The following TMPRSS13 variants were observed in gnomAD, a reference collection of about 807,000 sequenced individuals.
The protein encoded by TMPRSS13 is transmembrane serine protease 13.
Under a neutral mutation model 68.4 loss-of-function variants are expected in TMPRSS13, and 50 were observed. The ratio of observed to expected loss-of-function variants is 0.73; its 90% CI spans 0.58 to 0.93. The LOEUF (loss-of-function observed/expected upper bound fraction) is 0.93. TMPRSS13 is among the 40% of genes least tolerant of loss of function. The probability of loss-of-function intolerance (pLI) is 0.00; values close to 1 mark genes in which losing one functional copy is unlikely to be tolerated. For synonymous variants in TMPRSS13, 267 were observed against 285.8 expected, an observed-to-expected ratio of 0.93 and a Z score of 0.66; for missense variants, 615 against 729.2, an observed-to-expected ratio of 0.84 and a Z score of 1.80.
In TMPRSS13 at chr11:117,901,400, G is replaced by T. The variant is rs908631388; in HGVS notation, c.*839C>A. On this transcript the variant is annotated 3_prime_UTR_variant, in exon 13 of 13. Transcript: ENST00000524993. ...TGACTTGGGGGATGCCCATCCTGGG[G>T]ACTTTGTCCAGTCTCTTCATCCAGT... 6.6e-6 allele frequency: 1 copy of T among 152,588 alleles called. No individual in the cohort carries two copies. Among genetic ancestry groups the T allele is most frequent in the African/African-American group, 2.4e-5 (1 of 41,414 alleles). The allele number at this position is 152,588 out of a possible 1,614,324, so 9.5% of individuals were successfully genotyped here.
chr11:117,912,463 T>G (rs1054448585), intron 5 of TMPRSS13, among the ~76,000 whole-genome samples: 5 of 152,268 alleles, frequency 3.3e-5, no homozygotes, highest in African/African-American at 1.2e-4. Context: ...GCTGAGCAGG[T>G]TCTAAGTCCT....
intron 10 of TMPRSS13, among the ~76,000 whole-genome samples, 166 bp downstream of exon 10, chr11:117,905,472 G>A (rs1241389254): frequency 6.6e-6 from 1 of 152,012 alleles, no homozygotes; most frequent in Non-Finnish European, 1.5e-5. Flanking sequence ...ATATACTCAG[G>A]TGTCTATACA....
At chr11:117,919,802 A>T (rs760086739) in intron 1 of TMPRSS13, among the ~76,000 whole-genome samples, 11 of 152,246 alleles carry the variant, frequency 7.2e-5, no homozygotes, top group Non-Finnish European at 1.2e-4. Context: ...AGAATCACAG[A>T]GTCAGGGTTC....
At chr11:117,903,289 G>T in intron 12 of TMPRSS13, 1 of 1,291,178 alleles carries the variant, frequency 7.7e-7, no homozygotes, top group Non-Finnish European at 1.1e-6. Context: ...GGATTCCCAT[G>T]CATAAATGCT....
intron 12 of TMPRSS13, chr11:117,903,144 G>A: frequency 7.4e-7 from 1 of 1,344,948 alleles, no homozygotes; most frequent in Non-Finnish European, 9.5e-7. Context: ...TTCTCAGGGA[G>A]CATTCTGGTG....
At chr11:117,928,815 C>T (rs1385859186) in intron 1 of TMPRSS13, among the ~76,000 whole-genome samples, 1 of 152,204 alleles carries the variant, frequency 6.6e-6, no homozygotes, top group Non-Finnish European at 1.5e-5. Context: ...ATCTTGAATG[C>T]ACCCAGAAAG....
Position 117,924,890 on chromosome 11 carries a change from G to A in TMPRSS13, c.21+4397C>T, listed in dbSNP as rs115451620. 6.6e-3 allele frequency among the ~76,000 whole-genome samples: 1,005 copies of A among 152,226 alleles called. 14 individuals are homozygous for A. The highest frequency in any genetic ancestry group is 0.023 in the African/African-American group (953 of 41,526). On this transcript the variant is annotated intron_variant, in intron 1 of 12. Coordinates refer to ENST00000524993, the MANE Select transcript of TMPRSS13 (RefSeq NM_001077263.3). ...CAGCACACACGCAGTATACAGCTCA[G>A]GGACTTGGGTCAGCCCTTGAGGCAG...
rs1157499963 is a variant in TMPRSS13, at chr11:117,915,844, T to G, written c.556+1326A>C. On this transcript the variant is annotated intron_variant, in intron 3 of 12. Coordinates refer to ENST00000524993, the MANE Select transcript of TMPRSS13 (RefSeq NM_001077263.3). The surrounding 1 kb of genome is among the most constrained non-coding windows in gnomAD (Gnocchi z 4.9). ...GTGGCTTTCATGGAGCAGGGTGCCC[T>G]GTAGTGGGAAAGGGAGGGAGGGCAG... Among the ~76,000 whole-genome samples the G allele has an allele frequency of 6.6e-6, 1 of 152,108 alleles. No individual in the cohort carries two copies. The highest frequency in any genetic ancestry group is 1.5e-5 in the Non-Finnish European group (1 of 67,992).
intron 5 of TMPRSS13, 78 bp downstream of exon 5, chr11:117,913,699 T>G: frequency 6.5e-7 from 1 of 1,549,720 alleles, no homozygotes; most frequent in Non-Finnish European, 8.8e-7. Flanking sequence ...ATAATGTTTC[T>G]GCAACATGCT....
At chr11:117,903,536 C>A in intron 12 of TMPRSS13, 119 bp downstream of exon 12, 2 of 1,565,350 alleles carry the variant, frequency 1.3e-6, no homozygotes, top group Non-Finnish European at 1.7e-6. Context: ...GTCCAGAACA[C>A]CCCCCGAATA....
chr11:117,922,307 T>TCACTGCAA lies in TMPRSS13; in HGVS notation c.22-3477_22-3470dup. 6.6e-6 allele frequency among the ~76,000 whole-genome samples: 1 copy of TCACTGCAA among 152,282 alleles called. No homozygotes were observed. Among genetic ancestry groups the TCACTGCAA allele is most frequent in the East Asian group, 1.9e-4 (1 of 5,168 alleles). The stretch of plus-strand genomic sequence containing the variant: ...TGGAGTACAGTGGCGTGATCTCGGC[T>TCACTGCAA]CACTGCAACCTCCACCTCCCGGGTT... On this transcript the variant is annotated intron_variant, in intron 1 of 12. Coordinates refer to ENST00000524993, the MANE Select transcript of TMPRSS13 (RefSeq NM_001077263.3). This position sits in a 1 kb window ranked among gnomAD's most constrained non-coding sequence, Gnocchi z 4.2.
rs775934259 is a variant in TMPRSS13, at chr11:117,913,953, CATCA to C, written c.680-51_680-48del. 1.9e-6 allele frequency: 3 copies of C among 1,599,358 alleles called. No homozygotes were observed. The East Asian group carries it at 6.7e-5, about 36-fold the overall frequency. On this transcript the variant is annotated intron_variant, in intron 4 of 12. Transcript: ENST00000524993. ...GAGCAGGTCCTCAGCACCTAGGAAGCATCAAGCTCTTGGGGGATGAGCTGAGTGA... is the reference window on the plus strand; with the variant it reads ...GAGCAGGTCCTCAGCACCTAGGAAGCAGCTCTTGGGGGATGAGCTGAGTGA...
At position 117,914,388 on chromosome 11, in the gene TMPRSS13, T is replaced by C; in HGVS notation, c.679+4A>G. ...ACGCGCTCCCCCGCACCCAGCCTCC[T>C]TACCGCAGCCCAGCTCGTCACTCTT... On this transcript the variant is annotated splice_donor_region_variant and intron_variant, in intron 4 of 12. Coordinates refer to ENST00000524993, the MANE Select transcript of TMPRSS13 (RefSeq NM_001077263.3). This position sits in a 1 kb window ranked among gnomAD's most constrained non-coding sequence, Gnocchi z 4.2. 1 of 1,613,468 alleles carries C rather than the reference T, an allele frequency of 6.2e-7. No homozygotes were observed. The highest frequency in any genetic ancestry group is 8.5e-7 in the Non-Finnish European group (1 of 1,179,956).
chr11:117,909,669 C>T, intron 8 of TMPRSS13, 137 bp downstream of exon 8: 2 of 1,048,140 alleles, frequency 1.9e-6, no homozygotes. Context: ...ACCCAAGCTA[C>T]ACCAGTGCCA....
At position 117,901,035 on chromosome 11, in the gene TMPRSS13, C is replaced by T. The variant is rs1220712524; in HGVS notation, c.*1204G>A. The T allele has an allele frequency of 6.6e-6, 1 of 152,282 alleles. No individual in the cohort carries two copies. Among genetic ancestry groups the T allele is most frequent in the East Asian group, 1.9e-4 (1 of 5,200 alleles). 9.4% of individuals were successfully genotyped at this position (152,282 alleles called of 1,614,324 possible). A position where few individuals can be genotyped will look rare whatever the true frequency, so the allele number is the denominator to read the frequency against. The stretch of plus-strand genomic sequence containing the variant: ...AACAGGGCCAACTTAGATCCTTCAG[C>T]AGGGCTGCCTGGAAGGCATGGGACC... On this transcript the variant is annotated 3_prime_UTR_variant, in exon 13 of 13. Coordinates refer to ENST00000524993, the MANE Select transcript of TMPRSS13 (RefSeq NM_001077263.3).
Position 117,900,693 on chromosome 11 carries a change from G to C in TMPRSS13, c.*1546C>G, listed in dbSNP as rs995909571. 3.3e-5 allele frequency: 5 copies of C among 152,230 alleles called. No individual in the cohort carries two copies. The highest frequency in any genetic ancestry group is 1.2e-4 in the African/African-American group (5 of 41,462). 9.4% of individuals were successfully genotyped at this position (152,230 alleles called of 1,614,324 possible). On this transcript the variant is annotated 3_prime_UTR_variant, in exon 13 of 13. Transcript: ENST00000524993. Reference sequence around the variant, plus strand: ...AAGACCATCGCTGGCGGCTGCTGCAGACAGGAATGTGGCCTCCTTCCCAGT... The same window carrying C: ...AAGACCATCGCTGGCGGCTGCTGCACACAGGAATGTGGCCTCCTTCCCAGT...
intron 1 of TMPRSS13, among the ~76,000 whole-genome samples, chr11:117,919,072 G>C (rs1319127124): frequency 6.6e-6 from 1 of 152,200 alleles, no homozygotes. Flanking sequence ...AGGACCTGCA[G>C]AGATGGGTAG....
intron 1 of TMPRSS13, among the ~76,000 whole-genome samples, chr11:117,925,122 C>T (rs183959676): frequency 9.8e-5 from 15 of 152,336 alleles, no homozygotes; most frequent in African/African-American, 3.1e-4. Context: ...TTTCAGTTTC[C>T]GTGGAGGTGC....
rs1461159076 is a variant in TMPRSS13 at position 117,922,026 on chromosome 11, CCTT to C, written c.22-3191_22-3189del. ...ATCTGAGTAAGAGATTCCACACCAA[CCTT>C]CTTTAGGCACTTCACGGCCTGCTGC... On this transcript the variant is annotated intron_variant, in intron 1 of 12. Transcript: ENST00000524993. This position sits in a 1 kb window ranked among gnomAD's most constrained non-coding sequence, Gnocchi z 4.2. Among the ~76,000 whole-genome samples the C allele has an allele frequency of 2.6e-5, 4 of 152,304 alleles. No homozygotes were observed. Among genetic ancestry groups the C allele is most frequent in the South Asian group, 2.1e-4 (1 of 4,826 alleles).
Sources: allele counts gnomAD v4.1 joint callset (sites outside exome capture counted in the v4.1 genomes callset), GRCh38; gene constraint gnomAD v4.1.1; non-coding constraint Gnocchi (gnomAD v3.1); transcripts MANE v1.5; gene names NCBI Gene and HGNC (gene_info 2026-07-23, HGNC 2026-07-21).